Variants in BRINP3 observed in about 807,000 individuals in gnomAD.
BRINP3 encodes the protein BMP/retinoic acid inducible neural specific 3.
A neutral mutation model predicts 71.0 loss-of-function variants in BRINP3; 19 were observed. The ratio of observed to expected loss-of-function variants is 0.27; its 90% CI spans 0.19 to 0.39. BRINP3 has a LOEUF of 0.39. Ranked by LOEUF, BRINP3 falls within the 10% of genes least tolerant of loss-of-function variation. The pLI, the probability that BRINP3 is intolerant of heterozygous loss-of-function variation, is 1.00. For synonymous variants in BRINP3, 380 were observed against 337.7 expected, an observed-to-expected ratio of 1.13 and a Z score of -1.37; for missense variants, 959 against 940.8, an observed-to-expected ratio of 1.02 and a Z score of -0.25.
At chr1:190,378,554 A>G (rs1421662159) in intron 2 of BRINP3, among the ~76,000 whole-genome samples, 2 of 152,252 alleles carry the variant, frequency 1.3e-5, no homozygotes, top group African/African-American at 4.8e-5. Context: ...CCAGAATAAC[A>G]TATGTGTGTT....
intron 6 of BRINP3, among the ~76,000 whole-genome samples, chr1:190,224,533 C>T (rs866525377): frequency 2.0e-5 from 3 of 151,526 alleles, no homozygotes; most frequent in East Asian, 1.9e-4. Context: ...AAACTAAAAA[C>T]GAAATTATTT....
At chr1:190,270,431 T>G (rs1662006474) in intron 3 of BRINP3, among the ~76,000 whole-genome samples, 1 of 151,686 alleles carries the variant, frequency 6.6e-6, no homozygotes, top group Non-Finnish European at 1.5e-5. Flanking sequence ...ATATCATGTT[T>G]GTAAAAATAA....
chr1:190,394,691 C>T (rs901482245), intron 2 of BRINP3, among the ~76,000 whole-genome samples: 9 of 151,514 alleles, frequency 5.9e-5, no homozygotes, highest in African/African-American at 9.7e-5. Context: ...GCTATCTATA[C>T]GTTTTTTCTA....
intron 2 of BRINP3, among the ~76,000 whole-genome samples, chr1:190,316,878 A>T (rs1457518104): frequency 6.6e-6 from 1 of 152,116 alleles, no homozygotes. Context: ...ATCATTTATT[A>T]TGCTAAAAAT....
intron 2 of BRINP3, among the ~76,000 whole-genome samples, chr1:190,347,210 G>A (rs764610127): frequency 6.6e-6 from 1 of 151,906 alleles, no homozygotes; most frequent in African/African-American, 2.4e-5. Context: ...GTGCAATTTC[G>A]GTTCACTACA....
At chr1:190,397,737 G>A (rs1671669683) in intron 2 of BRINP3, among the ~76,000 whole-genome samples, 3 of 151,760 alleles carry the variant, frequency 2.0e-5, no homozygotes, top group Admixed American at 1.3e-4. Flanking sequence ...ATTTGATTAT[G>A]CATGTGAATA....
intron 2 of BRINP3, among the ~76,000 whole-genome samples, chr1:190,373,832 G>A (rs1670020465): frequency 6.6e-6 from 1 of 150,876 alleles, no homozygotes; most frequent in Admixed American, 6.6e-5. Flanking sequence ...TAAAAGTAAT[G>A]GCAAAAACTG....
intron 2 of BRINP3, among the ~76,000 whole-genome samples, chr1:190,318,061 A>G (rs529426347): frequency 6.6e-6 from 1 of 152,262 alleles, no homozygotes; most frequent in African/African-American, 2.4e-5. Context: ...CAAATCAGAT[A>G]CACCTTTCCT....
At chr1:190,421,291 CATTATTATTATTATT>C (rs78369563) in intron 2 of BRINP3, among the ~76,000 whole-genome samples, 3 of 132,060 alleles carry the variant, frequency 2.3e-5, no homozygotes, top group African/African-American at 7.9e-5. Flanking sequence ...ACAAGATTCT[CATTATTATTATTATT>C]ATTATTATTA....
chr1:190,352,925 T>C (rs1025927837), intron 2 of BRINP3, among the ~76,000 whole-genome samples: 2 of 151,848 alleles, frequency 1.3e-5, no homozygotes, highest in African/African-American at 4.8e-5. Flanking sequence ...CTATGAAAGT[T>C]AGAATTGTGT....
intron 2 of BRINP3, among the ~76,000 whole-genome samples, chr1:190,309,474 T>C (rs1393306665): frequency 6.6e-6 from 1 of 151,880 alleles, no homozygotes; most frequent in Non-Finnish European, 1.5e-5. Flanking sequence ...TTACTGTAAT[T>C]TTTTAAATTT....
chr1:190,255,593 A>G (rs1660588588), intron 4 of BRINP3, among the ~76,000 whole-genome samples: 1 of 152,000 alleles, frequency 6.6e-6, no homozygotes, highest in Admixed American at 6.6e-5. Flanking sequence ...GTATTCTCAG[A>G]TGGTAGTTTG....
chr1:190,327,023 A>G (rs1213825283), intron 2 of BRINP3, among the ~76,000 whole-genome samples: 3 of 151,822 alleles, frequency 2.0e-5, no homozygotes, highest in Non-Finnish European at 2.9e-5. Flanking sequence ...AAAAAAAAAA[A>G]AAAATACACA....
chr1:190,258,857 G>C (rs1660910924), intron 4 of BRINP3, among the ~76,000 whole-genome samples: 2 of 152,124 alleles, frequency 1.3e-5, no homozygotes. Context: ...GCTGAACAAG[G>C]GCTAGGCATA....
intron 7 of BRINP3, among the ~76,000 whole-genome samples, chr1:190,112,337 A>G (rs1349338361): frequency 1.3e-5 from 2 of 152,198 alleles, no homozygotes; most frequent in African/African-American, 2.4e-5. Context: ...TAATGTTGAG[A>G]GTATATGCTA....
At chr1:190,249,253 C>T (rs1030226222) in intron 4 of BRINP3, among the ~76,000 whole-genome samples, 1 of 151,730 alleles carries the variant, frequency 6.6e-6, no homozygotes. Context: ...TCCCCAGCAG[C>T]CCTAAGCACA....
intron 2 of BRINP3, among the ~76,000 whole-genome samples, chr1:190,346,501 C>G (rs1048086924): frequency 1.3e-5 from 2 of 151,974 alleles, no homozygotes; most frequent in African/African-American, 4.8e-5. Context: ...TTTAAAAAAA[C>G]TCTTAGGTCT....
intron 3 of BRINP3, among the ~76,000 whole-genome samples, chr1:190,271,531 T>C (rs1011999541): frequency 1.3e-5 from 2 of 151,590 alleles, no homozygotes; most frequent in African/African-American, 4.8e-5. Context: ...ACTCATTCCA[T>C]ACCTAGAAGT....
At chr1:190,425,866 C>T (rs888934421) in intron 2 of BRINP3, among the ~76,000 whole-genome samples, 1 of 151,748 alleles carries the variant, frequency 6.6e-6, no homozygotes, top group African/African-American at 2.4e-5. Flanking sequence ...ATAAAATCTT[C>T]CTCTCTAACG....
Sources: allele counts gnomAD v4.1 joint callset (sites outside exome capture counted in the v4.1 genomes callset), GRCh38; gene constraint gnomAD v4.1.1; transcripts MANE v1.5; gene names NCBI Gene and HGNC (gene_info 2026-07-23, HGNC 2026-07-21).